TP63: variants seen among roughly 807,000 people sequenced by gnomAD.
TP63 encodes tumor protein 63.
In TP63, 17 loss-of-function variants were observed where a neutral mutation model predicts 82.8. That is an observed-to-expected ratio of 0.21 (90% confidence interval 0.14 to 0.31). The LOEUF is 0.31. Ranked by LOEUF, TP63 falls within the 10% of genes least tolerant of loss-of-function variation. The probability of loss-of-function intolerance (pLI) is 1.00; values close to 1 mark genes in which losing one functional copy is unlikely to be tolerated. For missense variants in TP63, 648 were observed against 895.3 expected, an observed-to-expected ratio of 0.72 and a Z score of 3.52; for synonymous variants, 330 against 321.7, an observed-to-expected ratio of 1.03 and a Z score of -0.28.
intron 4 of TP63, among the ~76,000 whole-genome samples, chr3:189,812,807 C>T (rs1247411175): frequency 1.3e-5 from 2 of 152,036 alleles, no homozygotes; most frequent in Non-Finnish European, 2.9e-5. Context: ...GAGGCTTCGA[C>T]AAAACTTTAG....
intron 3 of TP63, among the ~76,000 whole-genome samples, chr3:189,739,948 A>G (rs1320288798): frequency 6.6e-6 from 1 of 152,022 alleles, no homozygotes; most frequent in African/African-American, 2.4e-5. Flanking sequence ...ACCTTGTTTG[A>G]TATGTTTTAC....
chr3:189,843,610 C>T lies in TP63; in HGVS notation c.580-20622C>T, dbSNP rs546065675. Among the ~76,000 whole-genome samples, 23 of 152,290 alleles carry T rather than the reference C, an allele frequency of 1.5e-4. No individual in the cohort carries two copies. In the East Asian group the frequency reaches 2.9e-3, roughly 19 times the overall value. ...ACTGTGGGGCCAATGTTGGGATCTG[C>T]GTCTGCCTGATCATTGTGATAGATC... On this transcript the variant is annotated intron_variant, in intron 4 of 13. Coordinates refer to ENST00000264731, the MANE Select transcript of TP63 (RefSeq NM_003722.5).
chr3:189,621,558 T>A, the TP63 span, among the ~76,000 whole-genome samples: 1 of 142,050 alleles, frequency 7.0e-6, no homozygotes, highest in African/African-American at 2.5e-5. Flanking sequence ...TAAGTAAATA[T>A]GTACATTATG....
At chr3:189,612,201 T>C in the TP63 span, among the ~76,000 whole-genome samples, 1 of 152,170 alleles carries the variant, frequency 6.6e-6, no homozygotes. Flanking sequence ...GCTGCTGATA[T>C]AGTTTGGCTG....
intron 3 of TP63, among the ~76,000 whole-genome samples, chr3:189,746,295 C>A (rs976735838): frequency 2.3e-4 from 35 of 151,476 alleles, no homozygotes; most frequent in Admixed American, 2.2e-3. Flanking sequence ...AAATGTCAGT[C>A]AAGGATATTA....
At chr3:189,701,522 C>CATATATATATATAT (rs35031313) in intron 1 of TP63, among the ~76,000 whole-genome samples, 40 of 136,758 alleles carry the variant, frequency 2.9e-4, no homozygotes, top group African/African-American at 1.0e-3. Flanking sequence ...GATATATATA[C>CATATATATATATAT]ATATATATAT....
At chr3:189,885,236 G>A (rs1172926724) in intron 10 of TP63, among the ~76,000 whole-genome samples, 3 of 152,174 alleles carry the variant, frequency 2.0e-5, no homozygotes, top group Non-Finnish European at 4.4e-5. Flanking sequence ...GTAATTCAGT[G>A]TAGATGCTGC....
chr3:189,836,042 C>T (rs1186103731), intron 4 of TP63, among the ~76,000 whole-genome samples: 2 of 151,926 alleles, frequency 1.3e-5, no homozygotes, highest in South Asian at 2.1e-4. Context: ...GAAGCAAGTG[C>T]TCAGAGTGTC....
At chr3:189,803,253 G>A (rs1040446521) in intron 3 of TP63, among the ~76,000 whole-genome samples, 7 of 152,144 alleles carry the variant, frequency 4.6e-5, no homozygotes, top group Admixed American at 2.0e-4. Context: ...ACCCAAGATC[G>A]TGCCATTGCA....
At chr3:189,632,927 A>C (rs1394250141) in intron 1 of TP63, among the ~76,000 whole-genome samples, 1 of 152,124 alleles carries the variant, frequency 6.6e-6, no homozygotes, top group Non-Finnish European at 1.5e-5. Context: ...TTCTAAGAAG[A>C]TAATTGTGAT....
At chr3:189,684,536 G>A (rs1456806316) in intron 1 of TP63, among the ~76,000 whole-genome samples, 2 of 152,148 alleles carry the variant, frequency 1.3e-5, no homozygotes, top group African/African-American at 4.8e-5. Flanking sequence ...AGGGCAGGAA[G>A]TGAGAGTAGA....
upstream of TP63, among the ~76,000 whole-genome samples, chr3:189,629,932 C>T (rs1006084235): frequency 1.3e-5 from 2 of 152,046 alleles, no homozygotes; most frequent in Non-Finnish European, 2.9e-5. Context: ...AGCAATCTTC[C>T]CTTTAAGTTT....
chr3:189,862,186 T>C (rs1378971750), intron 4 of TP63, among the ~76,000 whole-genome samples: 1 of 152,246 alleles, frequency 6.6e-6, no homozygotes, highest in East Asian at 1.9e-4. Flanking sequence ...TAAACAATTC[T>C]GGATTCTGAA....
At chr3:189,705,847 T>C (rs11707283) in intron 1 of TP63, among the ~76,000 whole-genome samples, 37,124 of 152,004 alleles carry the variant, frequency 0.24, 4,858 homozygotes, top group African/African-American at 0.32. Context: ...TTAAATTGCT[T>C]ATTATATGAG....
intron 1 of TP63, among the ~76,000 whole-genome samples, chr3:189,659,171 A>G (rs944895106): frequency 2.6e-5 from 4 of 151,950 alleles, no homozygotes; most frequent in Non-Finnish European, 5.9e-5. Flanking sequence ...TCCATCACCC[A>G]GTACCCAATA....
chr3:189,861,402 G>T (rs1480014801), intron 4 of TP63, among the ~76,000 whole-genome samples: 1 of 150,046 alleles, frequency 6.7e-6, no homozygotes, highest in Non-Finnish European at 1.5e-5. Context: ...GTTTGTATGG[G>T]TAGAACATGG....
intron 4 of TP63, among the ~76,000 whole-genome samples, chr3:189,823,687 C>A (rs1023233323): frequency 3.3e-5 from 5 of 152,124 alleles, no homozygotes; most frequent in Non-Finnish European, 7.4e-5. Flanking sequence ...TAGCTGGGAC[C>A]TTGACGAATC....
chr3:189,736,367 G>T (rs959132366), intron 1 of TP63, among the ~76,000 whole-genome samples: 28 of 151,876 alleles, frequency 1.8e-4, no homozygotes, highest in African/African-American at 6.5e-4. Flanking sequence ...ACACATACCA[G>T]GCTATTTTCC....
At chr3:189,841,451 TTTC>T (rs1478037176) in intron 4 of TP63, among the ~76,000 whole-genome samples, 1 of 152,212 alleles carries the variant, frequency 6.6e-6, no homozygotes, top group African/African-American at 2.4e-5. Context: ...TAGTCTCCCA[TTTC>T]TTCTTATCAG....
Sources: gnomAD v4.1 joint callset for allele counts (sites outside exome capture counted in the v4.1 genomes callset) on GRCh38, gnomAD v4.1.1 for gene constraint, MANE v1.5 for transcripts, NCBI Gene and HGNC (gene_info 2026-07-23, HGNC 2026-07-21) for gene names.